STXBP5L: variants seen among roughly 807,000 people sequenced by gnomAD.
STXBP5L encodes syntaxin binding protein 5L, also known as syntaxin-binding protein 5-like.
STXBP5L carries 65 observed loss-of-function variants against 144.5 expected under a neutral mutation model. The ratio of observed to expected loss-of-function variants is 0.45; its 90% CI spans 0.37 to 0.55. STXBP5L has a LOEUF of 0.55. STXBP5L is among the 20% of genes least tolerant of loss of function. The probability of loss-of-function intolerance (pLI) is 0.00; values close to 1 mark genes in which losing one functional copy is unlikely to be tolerated. For synonymous variants in STXBP5L, 505 were observed against 469.6 expected (o/e 1.08, Z -0.97); for missense variants, 1,298 against 1,405.5 (o/e 0.92, Z 1.22).
intron 19 of STXBP5L, chr3:121,282,443 G>T: frequency 9.7e-7 from 1 of 1,033,874 alleles, no homozygotes; most frequent in Non-Finnish European, 1.4e-6. Context: ...CATTCAGCAT[G>T]CATGCAAATT....
Position 121,418,404 on chromosome 3 carries a change from A to G in STXBP5L, c.3294A>G (p.Ile1098Met), listed in dbSNP as rs1422979976. 2 of 1,613,952 alleles carry G rather than the reference A, an allele frequency of 1.2e-6. No individual in the cohort carries two copies. Among genetic ancestry groups the G allele is most frequent in the African/African-American group, 2.7e-5 (2 of 74,944 alleles). ...AACACATTCCTGGACCAGGTAGTATAGAAGGGATGAAAGGCGCTGCTGGAG... is the reference window on the plus strand; with the variant it reads ...AACACATTCCTGGACCAGGTAGTATGGAAGGGATGAAAGGCGCTGCTGGAG... ...LAQHIPGPGS[I>M]EGMKGAAGGV... is the part of the protein sequence containing the mutation. Residue 1098 changes from isoleucine to methionine, a missense_variant, in exon 26 of 27, where the codon ATA becomes ATG. By Grantham distance (10) the Ile-to-Met change is conservative. Coordinates refer to ENST00000471454, the MANE Select transcript of STXBP5L (RefSeq NM_001308330.2).
intron 3 of STXBP5L, among the ~76,000 whole-genome samples, chr3:120,975,341 G>A (rs145152720): frequency 0.016 from 2,403 of 152,044 alleles, 26 homozygotes; most frequent in Non-Finnish European, 0.025. Context: ...TTGGCTCTTT[G>A]TTTGTCTGTT....
intron 6 of STXBP5L, among the ~76,000 whole-genome samples, chr3:121,119,443 G>C (rs997023039): frequency 2.0e-5 from 3 of 151,256 alleles, no homozygotes; most frequent in Non-Finnish European, 4.4e-5. Context: ...TTAAGATATG[G>C]GAAGATAATG....
intron 11 of STXBP5L, among the ~76,000 whole-genome samples, chr3:121,230,990 C>T (rs532922309): frequency 6.6e-6 from 1 of 152,250 alleles, no homozygotes; most frequent in East Asian, 1.9e-4. Context: ...CCTAAGGTTC[C>T]TAGATCATAG....
Position 121,041,619 on chromosome 3 carries a change from G to T in STXBP5L, c.288-81G>T, listed in dbSNP as rs547844387. On this transcript the variant is annotated intron_variant, in intron 3 of 26. Coordinates refer to ENST00000471454, the MANE Select transcript of STXBP5L (RefSeq NM_001308330.2). ...AGGGAAACCAAATAGCAAAACATCT[G>T]TTGATCAATAAGTTAGTTTCTTTGC... The T allele has an allele frequency of 2.0e-5, 21 of 1,050,406 alleles. No individual in the cohort carries two copies. The African/African-American group carries it at 2.7e-4, about 13-fold the overall frequency. The allele number at this position is 1,050,406 out of a possible 1,614,324, so 65.1% of individuals were successfully genotyped here.
chr3:121,015,069 C>T (rs1945046731), intron 3 of STXBP5L, among the ~76,000 whole-genome samples: 2 of 152,050 alleles, frequency 1.3e-5, no homozygotes, highest in Admixed American at 6.6e-5. Context: ...GACTCAGTGT[C>T]ATTAAGAGGT....
intron 20 of STXBP5L, among the ~76,000 whole-genome samples, chr3:121,360,037 A>AATATAATATATAGTAATAAT (rs2045662192): frequency 1.4e-5 from 2 of 145,050 alleles, no homozygotes; most frequent in African/African-American, 5.0e-5. Context: ...ATTACTATAT[A>AATATAATATATAGTAATAAT]ATATAATATA....
At chr3:120,917,314 A>T (rs1293535465) in intron 2 of STXBP5L, among the ~76,000 whole-genome samples, 1 of 152,222 alleles carries the variant, frequency 6.6e-6, no homozygotes, top group Admixed American at 6.5e-5. Context: ...AATATAATAG[A>T]GAATATAATT....
At chr3:121,064,806 T>C (rs928154157) in intron 5 of STXBP5L, among the ~76,000 whole-genome samples, 1 of 152,210 alleles carries the variant, frequency 6.6e-6, no homozygotes, top group African/African-American at 2.4e-5. Flanking sequence ...ACATATTATG[T>C]GATGCTGAGG....
chr3:121,420,777 C>A lies in STXBP5L; in HGVS notation c.*1680C>A, dbSNP rs1294038000. 1 of 151,904 alleles carries A rather than the reference C, an allele frequency of 6.6e-6. No individual in the cohort carries two copies. The highest frequency in any genetic ancestry group is 6.6e-5 in the Admixed American group (1 of 15,252). The allele number at this position is 151,904 out of a possible 1,614,324, so 9.4% of individuals were successfully genotyped here. A position where few individuals can be genotyped will look rare whatever the true frequency, so the allele number is the denominator to read the frequency against. On this transcript the variant is annotated 3_prime_UTR_variant, in exon 27 of 27. Coordinates refer to ENST00000471454, the MANE Select transcript of STXBP5L (RefSeq NM_001308330.2). ...CTGGATTTCAGGTTATTTTATTAGC[C>A]AAAAAATCGTATTTTTATTTCCTTT... is the stretch of plus-strand genomic sequence containing the variant.
intron 5 of STXBP5L, among the ~76,000 whole-genome samples, chr3:121,089,910 A>G (rs1470693187): frequency 1.3e-5 from 2 of 151,934 alleles, no homozygotes; most frequent in Non-Finnish European, 2.9e-5. Context: ...TAAGTAGTAA[A>G]ATTTGTAATT....
chr3:121,085,400 A>G (rs935254673), intron 5 of STXBP5L, among the ~76,000 whole-genome samples: 1 of 152,158 alleles, frequency 6.6e-6, no homozygotes, highest in Non-Finnish European at 1.5e-5. Context: ...TGAAGATAAC[A>G]TGATCCTATA....
chr3:121,024,868 T>G (rs1308319918), intron 3 of STXBP5L, among the ~76,000 whole-genome samples: 1 of 152,186 alleles, frequency 6.6e-6, no homozygotes, highest in Non-Finnish European at 1.5e-5. Flanking sequence ...TAGAAAACCC[T>G]GGATTAGAAT....
intron 19 of STXBP5L, among the ~76,000 whole-genome samples, chr3:121,315,432 A>C (rs1239019145): frequency 2.4e-4 from 35 of 147,788 alleles, no homozygotes; most frequent in Non-Finnish European, 3.0e-4. Flanking sequence ...GGGAATTGAA[A>C]AATGAGAACA....
intron 23 of STXBP5L, 153 bp downstream of exon 23, chr3:121,407,756 G>A: frequency 8.8e-7 from 1 of 1,131,904 alleles, no homozygotes; most frequent in Non-Finnish European, 1.2e-6. Context: ...TCAACGATTT[G>A]ATGAGAGTTT....
chr3:120,991,069 G>A (rs1942807628), intron 3 of STXBP5L, among the ~76,000 whole-genome samples: 1 of 151,920 alleles, frequency 6.6e-6, no homozygotes, highest in Admixed American at 6.6e-5. Context: ...GAAAATTTTT[G>A]CAATCTACTC....
chr3:121,064,046 C>T (rs1166480060), intron 5 of STXBP5L, among the ~76,000 whole-genome samples: 2 of 152,150 alleles, frequency 1.3e-5, no homozygotes. Context: ...TGAAAAGTAA[C>T]TCCTCCAGCT....
chr3:121,089,207 C>T (rs575670795), intron 5 of STXBP5L, among the ~76,000 whole-genome samples: 1 of 149,840 alleles, frequency 6.7e-6, no homozygotes. Flanking sequence ...CTCTTTTTTC[C>T]CATACTTGAT....
chr3:121,092,584 G>A (rs998660210), intron 5 of STXBP5L, among the ~76,000 whole-genome samples: 3 of 152,108 alleles, frequency 2.0e-5, no homozygotes, highest in Non-Finnish European at 4.4e-5. Context: ...TCTGTTATTG[G>A]TGTATAAGAA....
Sources: gnomAD v4.1 joint callset for allele counts (sites outside exome capture counted in the v4.1 genomes callset) on GRCh38, gnomAD v4.1.1 for gene constraint, MANE v1.5 for transcripts, NCBI Gene and HGNC (gene_info 2026-07-23, HGNC 2026-07-21) for gene names.